The following TMEM39B variants were observed in gnomAD, a reference collection of about 807,000 sequenced individuals.
TMEM39B encodes transmembrane protein 39B.
In TMEM39B, 23 loss-of-function variants were observed where a neutral mutation model predicts 52.2. The observed-to-expected ratio is 0.44, with a 90% CI of 0.32 to 0.62. The LOEUF (loss-of-function observed/expected upper bound fraction) is 0.62. Ranked by LOEUF, TMEM39B falls within the 20% of genes least tolerant of loss-of-function variation. The probability of loss-of-function intolerance (pLI) is 0.06; values close to 1 mark genes in which losing one functional copy is unlikely to be tolerated. For synonymous variants in TMEM39B, 285 were observed against 264.0 expected, an observed-to-expected ratio of 1.08 and a Z score of -0.77; for missense variants, 547 against 642.0, an observed-to-expected ratio of 0.85 and a Z score of 1.60.
rs138294548 is a variant in TMEM39B at position 32,092,030 on chromosome 1, G to A, written c.927+19G>A. 2.5e-6 allele frequency: 4 copies of A among 1,603,638 alleles called. No individual in the cohort carries two copies. The African/African-American group carries it at 4.0e-5, about 16-fold the overall frequency. On this transcript the variant is annotated intron_variant, in intron 6 of 8. Transcript: ENST00000336294. Reference sequence around the variant, plus strand: ...CGTGAAGGTGCGTACCTCAAGCCAGGGAGGGAAAGGGACTAGCTGGGACTT... The same window carrying A: ...CGTGAAGGTGCGTACCTCAAGCCAGAGAGGGAAAGGGACTAGCTGGGACTT...
intron 3 of TMEM39B, 181 bp from the exon 4 acceptor site, chr1:32,076,582 T>G (rs1639870652): frequency 1.4e-6 from 1 of 710,476 alleles, no homozygotes; most frequent in Non-Finnish European, 2.5e-6. Flanking sequence ...CCACTTCCCT[T>G]CTCGGGGTCC....
intron 1 of TMEM39B, among the ~76,000 whole-genome samples, 179 bp from the exon 2 acceptor site, chr1:32,074,772 G>T (rs992484082): frequency 6.6e-6 from 1 of 152,112 alleles, no homozygotes; most frequent in Non-Finnish European, 1.5e-5. Context: ...TAGAGGGTGG[G>T]TGTGAGGTAG....
chr1:32,094,879 C>T lies in TMEM39B; in HGVS notation c.1023C>T (p.Ala341=). 6.2e-7 allele frequency: 1 copy of T among 1,614,174 alleles called. No individual in the cohort carries two copies. Among genetic ancestry groups the T allele is most frequent in the African/African-American group, 1.3e-5 (1 of 75,068 alleles). Residue 341 remains alanine, a synonymous_variant, in exon 7 of 9, where the codon GCC becomes GCT. Coordinates refer to ENST00000336294, the MANE Select transcript of TMEM39B (RefSeq NM_018056.4). The stretch of plus-strand genomic sequence containing the variant: ...TCCTCATGCAGCACCTGCTGCCTGC[C>T]AGCTACTGTGACCTGCTGCACAAGG... The part of the protein sequence containing the change: ...SVILMQHLLP[A]SYCDLLHKAA...
intron 7 of TMEM39B, among the ~76,000 whole-genome samples, chr1:32,097,101 G>A (rs995830494): frequency 3.3e-5 from 5 of 151,996 alleles, no homozygotes. Flanking sequence ...CACTGCACTT[G>A]GCCTACAAAT....
At chr1:32,077,542 G>A (rs1317622586) in intron 5 of TMEM39B, among the ~76,000 whole-genome samples, 1 of 152,182 alleles carries the variant, frequency 6.6e-6, no homozygotes, top group African/African-American at 2.4e-5. Context: ...CTATGGGGGA[G>A]GTCAGAATGG....
chr1:32,098,564 C>T (rs1293276147), intron 7 of TMEM39B, among the ~76,000 whole-genome samples: 2 of 151,974 alleles, frequency 1.3e-5, no homozygotes, highest in South Asian at 2.1e-4. Context: ...AACCCCGTCT[C>T]TTCTAAAAAT....
chr1:32,072,857 C>T, upstream of TMEM39B: 1 of 627,436 alleles, frequency 1.6e-6, no homozygotes, highest in Non-Finnish European at 2.6e-6. Flanking sequence ...CGCCTCCGTC[C>T]GGGCGGCCCC....
At chr1:32,089,538 G>A (rs1640517131) in intron 5 of TMEM39B, among the ~76,000 whole-genome samples, 1 of 151,740 alleles carries the variant, frequency 6.6e-6, no homozygotes, top group Admixed American at 6.6e-5. Context: ...CCACAATTAT[G>A]GTAGCATCCC....
rs761514591 is a variant in TMEM39B, at chr1:32,091,880, C to G, written c.796C>G (p.Leu266Val). The stretch of plus-strand genomic sequence containing the variant: ...CGCCATGCCCACCCATGCCTGCTGC[C>G]TGTCACCCAGCCTCATCCGCAGTGA... ...PDAMPTHACC[L>V]SPSLIRSEVE... The change falls in exon 6 of 9, where the codon CTG becomes GTG. Residue 266 changes from leucine to valine, a missense_variant. Coordinates refer to ENST00000336294, the MANE Select transcript of TMEM39B (RefSeq NM_018056.4). The G allele has an allele frequency of 1.2e-6, 2 of 1,614,264 alleles. No individual in the cohort carries two copies. The highest frequency in any genetic ancestry group is 1.7e-6 in the Non-Finnish European group (2 of 1,180,054).
chr1:32,097,163 A>G (rs1640841042), intron 7 of TMEM39B, among the ~76,000 whole-genome samples: 1 of 151,926 alleles, frequency 6.6e-6, no homozygotes, highest in African/African-American at 2.4e-5. Flanking sequence ...TACTCATGTA[A>G]CCCACCCCTC....
Position 32,093,830 on chromosome 1 carries a change from T to A in TMEM39B, c.928-954T>A, listed in dbSNP as rs566867682. On this transcript the variant is annotated intron_variant, in intron 6 of 8. Transcript: ENST00000336294. ...TTTTTTGTTTTGTTTTGTTTTGTTT[T>A]GTTTTTGAGACAGAGTCTCGCTCTG... Among the ~76,000 whole-genome samples the A allele has an allele frequency of 2.0e-5, 3 of 151,558 alleles. No individual in the cohort carries two copies. In the South Asian group the frequency reaches 6.2e-4, roughly 32 times the overall value.
intron 4 of TMEM39B, 143 bp downstream of exon 4, chr1:32,076,989 C>G: frequency 2.4e-6 from 3 of 1,268,202 alleles, no homozygotes; most frequent in Non-Finnish European, 3.4e-6. Flanking sequence ...TTAGTTACAT[C>G]CCATCTTGGA....
At chr1:32,083,263 C>T (rs1339065347) in intron 5 of TMEM39B, among the ~76,000 whole-genome samples, 2 of 148,024 alleles carry the variant, frequency 1.4e-5, no homozygotes, top group Admixed American at 6.8e-5. Flanking sequence ...TTGTATTTTC[C>T]GTAGAGATGG....
chr1:32,081,118 G>A (rs1190572273), intron 5 of TMEM39B, among the ~76,000 whole-genome samples: 1 of 151,642 alleles, frequency 6.6e-6, no homozygotes, highest in Non-Finnish European at 1.5e-5. Context: ...AAAAACATTA[G>A]TCTCCAATCC....
chr1:32,084,900 C>G (rs1640276726), intron 5 of TMEM39B, among the ~76,000 whole-genome samples: 1 of 151,432 alleles, frequency 6.6e-6, no homozygotes, highest in Non-Finnish European at 1.5e-5. Context: ...TTCACATTCT[C>G]AGAACTTTTG....
At chr1:32,072,485 A>C (rs943901966), upstream of TMEM39B, 1 of 153,250 alleles carries the variant, frequency 6.5e-6, no homozygotes, top group African/African-American at 2.4e-5. Flanking sequence ...AATATTTAGG[A>C]CTTAGGCTCA....
chr1:32,098,027 G>A (rs962322514), intron 7 of TMEM39B, among the ~76,000 whole-genome samples: 4 of 151,290 alleles, frequency 2.6e-5, no homozygotes, highest in Non-Finnish European at 1.5e-5. Flanking sequence ...ACGGGGTTTC[G>A]CTCTTGTTGC....
chr1:32,084,600 C>T (rs1460552359), intron 5 of TMEM39B, among the ~76,000 whole-genome samples: 3 of 151,922 alleles, frequency 2.0e-5, no homozygotes, highest in African/African-American at 7.3e-5. Context: ...GACAGAGTCT[C>T]GCTCTGTCGC....
chr1:32,082,951 T>C (rs1640170473), intron 5 of TMEM39B, among the ~76,000 whole-genome samples: 1 of 151,400 alleles, frequency 6.6e-6, no homozygotes, highest in Non-Finnish European at 1.5e-5. Context: ...GTTTTTTGTA[T>C]GTTTAGTAGA....
Sources: allele counts gnomAD v4.1 joint callset (sites outside exome capture counted in the v4.1 genomes callset), GRCh38; gene constraint gnomAD v4.1.1; transcripts MANE v1.5; gene names NCBI Gene and HGNC (gene_info 2026-07-23, HGNC 2026-07-21).